Variants in RAP1B observed in about 807,000 individuals in gnomAD.
RAP1B encodes the protein RAP1B, member of RAS oncogene family, also known as ras-related protein Rap-1b.
In RAP1B, 1 loss-of-function variant was observed where a neutral mutation model predicts 27.5. That is an observed-to-expected ratio of 0.04 (90% CI 0.01 to 0.17). The LOEUF is 0.17. RAP1B is among the 10% of genes least tolerant of loss of function. RAP1B has a pLI of 1.00. For missense variants in RAP1B, 84 were observed against 214.8 expected (o/e 0.39, Z 3.81); for synonymous variants, 75 against 73.1 (o/e 1.03, Z -0.13).
chr12:68,650,538 T>C, intron 3 of RAP1B, 70 bp downstream of exon 3: 1 of 1,227,344 alleles, frequency 8.1e-7, no homozygotes, highest in South Asian at 1.8e-5. Flanking sequence ...TTTATAATTA[T>C]TGAATGTTTT....
At chr12:68,652,089 G>T in intron 4 of RAP1B, 38 bp downstream of exon 4, 1 of 1,470,352 alleles carries the variant, frequency 6.8e-7, no homozygotes, top group East Asian at 2.3e-5. Context: ...TACACCGTTT[G>T]TACAGTATTG....
rs892158075 is a variant in RAP1B at position 68,613,338 on chromosome 12, C to T, written c.-27+2295C>T. ...CCTGGGAGGCGGAGGGTGCAGTGAG[C>T]CGAGACTGCACTACTGTACTGCAGC... On this transcript the variant is annotated intron_variant, in intron 1 of 7. Transcript: ENST00000250559. 2.0e-5 allele frequency among the ~76,000 whole-genome samples: 3 copies of T among 149,504 alleles called. No homozygotes were observed. The South Asian group carries it at 6.3e-4, about 31-fold the overall frequency.
In RAP1B at chr12:68,667,370, A is replaced by G. The variant is rs1874900240; in HGVS notation, c.*8121A>G. On this transcript the variant is annotated 3_prime_UTR_variant, in exon 8 of 8. Coordinates refer to ENST00000250559, the MANE Select transcript of RAP1B (RefSeq NM_001010942.3). Reference sequence around the variant, plus strand: ...TGTAATATCTAGAGGTACATGAAAAAAAGAAATGGAAGGAATGGACAGGCC... The same window carrying G: ...TGTAATATCTAGAGGTACATGAAAAGAAGAAATGGAAGGAATGGACAGGCC... 2 of 152,212 alleles carry G rather than the reference A, an allele frequency of 1.3e-5. No individual in the cohort carries two copies. Among genetic ancestry groups the G allele is most frequent in the South Asian group, 4.1e-4 (2 of 4,832 alleles). 9.4% of individuals were successfully genotyped at this position (152,212 alleles called of 1,614,324 possible). A position where few individuals can be genotyped will look rare whatever the true frequency, so the allele number is the denominator to read the frequency against.
intron 1 of RAP1B, among the ~76,000 whole-genome samples, chr12:68,641,507 G>C (rs1332093160): frequency 6.6e-6 from 1 of 152,212 alleles, no homozygotes; most frequent in Non-Finnish European, 1.5e-5. Flanking sequence ...AATGGAAAAA[G>C]TTGTAGAAGT....
At chr12:68,611,248 C>G (rs1267249561) in intron 1 of RAP1B, among the ~76,000 whole-genome samples, 1 of 148,598 alleles carries the variant, frequency 6.7e-6, no homozygotes, top group Non-Finnish European at 1.5e-5. Flanking sequence ...CCTTGCGGGC[C>G]GGCGAGGAGG....
chr12:68,644,771 C>T (rs1462131486), intron 1 of RAP1B, among the ~76,000 whole-genome samples: 2 of 149,208 alleles, frequency 1.3e-5, no homozygotes, highest in Non-Finnish European at 3.0e-5. Context: ...TCACTGCAAC[C>T]TCCACCTCCT....
rs1396850572 is a variant in RAP1B at position 68,671,376 on chromosome 12, T to C, written c.*12127T>C. 1 of 152,188 alleles carries C rather than the reference T, an allele frequency of 6.6e-6. No homozygotes were observed. 9.4% of individuals were successfully genotyped at this position (152,188 alleles called of 1,614,324 possible). A position where few individuals can be genotyped will look rare whatever the true frequency, so the allele number is the denominator to read the frequency against. On this transcript the variant is annotated 3_prime_UTR_variant, in exon 8 of 8. Coordinates refer to ENST00000250559, the MANE Select transcript of RAP1B (RefSeq NM_001010942.3). ...AGGAAATGAAAGGAAATGCACAAGA[T>C]TATTTATTGCCACACTCTAGAAGGA... is the stretch of plus-strand genomic sequence containing the variant.
At chr12:68,657,406 A>T (rs905828326) in intron 7 of RAP1B, 189 bp downstream of exon 7, 1 of 404,300 alleles carries the variant, frequency 2.5e-6, no homozygotes, top group East Asian at 4.3e-5. Context: ...AGTATTTCAC[A>T]TAAGTATTCT....
At chr12:68,636,726 T>G (rs1872654908) in intron 1 of RAP1B, among the ~76,000 whole-genome samples, 1 of 90,018 alleles carries the variant, frequency 1.1e-5, no homozygotes. Flanking sequence ...ATCCCTGCTG[T>G]TTTTTTTTGA....
chr12:68,616,212 T>G (rs1394266241), intron 1 of RAP1B, among the ~76,000 whole-genome samples: 1 of 152,156 alleles, frequency 6.6e-6, no homozygotes, highest in Admixed American at 6.5e-5. Context: ...TCCACCTGCC[T>G]CGGCCTCCCA....
intron 1 of RAP1B, among the ~76,000 whole-genome samples, chr12:68,631,193 A>T (rs1202496180): frequency 1.3e-5 from 2 of 152,216 alleles, no homozygotes; most frequent in East Asian, 3.8e-4. Flanking sequence ...CTGGCTGCAC[A>T]TAGCAGATAC....
Position 68,665,254 on chromosome 12 carries a change from AT to A in RAP1B, c.*6008del, listed in dbSNP as rs1874800580. The A allele has an allele frequency of 1.3e-5, 2 of 152,260 alleles. No individual in the cohort carries two copies. The highest frequency in any genetic ancestry group is 4.1e-4 in the South Asian group (2 of 4,834). The allele number at this position is 152,260 out of a possible 1,614,324, so 9.4% of individuals were successfully genotyped here. ...AAATGTTACATAACTAAAGCAACAG[AT>A]TTGCCAGCTGTGTGAAAGATAACCC... On this transcript the variant is annotated 3_prime_UTR_variant, in exon 8 of 8. Transcript: ENST00000250559.
Position 68,661,424 on chromosome 12 carries a change from G to A in RAP1B, c.*2175G>A, listed in dbSNP as rs1874587391. ...CAAACAGCTAAATATTCATTCATTGGACAAATTAAGTACTTAAGTATAAAA... is the reference window on the plus strand; with the variant it reads ...CAAACAGCTAAATATTCATTCATTGAACAAATTAAGTACTTAAGTATAAAA... On this transcript the variant is annotated 3_prime_UTR_variant, in exon 8 of 8. Coordinates refer to ENST00000250559, the MANE Select transcript of RAP1B (RefSeq NM_001010942.3). 1 of 151,998 alleles carries A rather than the reference G, an allele frequency of 6.6e-6. No homozygotes were observed. The highest frequency in any genetic ancestry group is 2.4e-5 in the African/African-American group (1 of 41,378). 9.4% of individuals were successfully genotyped at this position (151,998 alleles called of 1,614,324 possible). A position where few individuals can be genotyped will look rare whatever the true frequency, so the allele number is the denominator to read the frequency against.
intron 1 of RAP1B, among the ~76,000 whole-genome samples, chr12:68,643,930 TTTTTC>T (rs1447816638): frequency 1.3e-5 from 2 of 152,306 alleles, no homozygotes; most frequent in Non-Finnish European, 2.9e-5. Flanking sequence ...TCATGTATTT[TTTTTC>T]TTTTTTTTAT....
chr12:68,653,792 A>G (rs961555264), intron 4 of RAP1B, among the ~76,000 whole-genome samples: 5 of 151,856 alleles, frequency 3.3e-5, no homozygotes, highest in Admixed American at 6.6e-5. Context: ...TTAGCCGGGC[A>G]TGGTGGTGTG....
intron 1 of RAP1B, among the ~76,000 whole-genome samples, chr12:68,617,568 G>A (rs1449191618): frequency 6.6e-6 from 1 of 152,132 alleles, no homozygotes; most frequent in Non-Finnish European, 1.5e-5. Context: ...ATATAGAAAA[G>A]TATAAAGAAG....
rs1383897856 is a variant in RAP1B at position 68,667,708 on chromosome 12, G to C, written c.*8459G>C. The C allele has an allele frequency of 1.3e-5, 2 of 152,186 alleles. No individual in the cohort carries two copies. Among genetic ancestry groups the C allele is most frequent in the African/African-American group, 4.8e-5 (2 of 41,446 alleles). 9.4% of individuals were successfully genotyped at this position (152,186 alleles called of 1,614,324 possible). ...TCAGTCATTCTCTATAAGAGCTGTT[G>C]TGGAAAAAGTTCTCACTTCACTTAC... On this transcript the variant is annotated 3_prime_UTR_variant, in exon 8 of 8. Transcript: ENST00000250559.
intron 1 of RAP1B, among the ~76,000 whole-genome samples, chr12:68,646,228 G>A (rs1416564262): frequency 2.0e-5 from 3 of 151,706 alleles, no homozygotes; most frequent in Non-Finnish European, 4.4e-5. Context: ...TGTTGTTTCG[G>A]TCAGTTGTGT....
chr12:68,651,877 G>T, intron 3 of RAP1B, 118 bp from the exon 4 acceptor site: 1 of 715,452 alleles, frequency 1.4e-6, no homozygotes, highest in South Asian at 2.0e-5. Flanking sequence ...CTGGATATTA[G>T]TTTGTAAAGT....
Sources: gnomAD v4.1 joint callset for allele counts (sites outside exome capture counted in the v4.1 genomes callset) on GRCh38, gnomAD v4.1.1 for gene constraint, MANE v1.5 for transcripts, NCBI Gene and HGNC (gene_info 2026-07-23, HGNC 2026-07-21) for gene names.